Variants in RBFOX3 observed in about 807,000 individuals in gnomAD.
The protein encoded by RBFOX3 is RNA binding fox-1 homolog 3.
Under a neutral mutation model 48.7 loss-of-function variants are expected in RBFOX3, and 17 were observed. That is an observed-to-expected ratio of 0.35 (90% CI 0.24 to 0.52). The LOEUF (loss-of-function observed/expected upper bound fraction) is 0.52, where lower values mean the gene tolerates loss of function less well. Among genes scored for constraint, RBFOX3 ranks in the 20% least tolerant of loss-of-function variants. The pLI is 0.94. For synonymous variants in RBFOX3, 212 were observed against 209.5 expected (o/e 1.01, Z -0.10); for missense variants, 382 against 497.5 (o/e 0.77, Z 2.21).
At chr17:79,282,498 G>A (rs748375215) in intron 3 of RBFOX3, among the ~76,000 whole-genome samples, 6 of 151,936 alleles carry the variant, frequency 3.9e-5, no homozygotes, top group Non-Finnish European at 7.4e-5. Context: ...GGCTCAATGC[G>A]CTTCATGTTT....
Position 79,418,259 on chromosome 17 carries a change from G to A in RBFOX3, c.-175+64195C>T, listed in dbSNP as rs76618916. 2.6e-5 allele frequency among the ~76,000 whole-genome samples: 4 copies of A among 152,216 alleles called. No individual in the cohort carries two copies. Among genetic ancestry groups the A allele is most frequent in the South Asian group, 2.1e-4 (1 of 4,824 alleles). On this transcript the variant is annotated intron_variant, in intron 2 of 14. Coordinates refer to ENST00000693108, the MANE Select transcript of RBFOX3 (RefSeq NM_001350451.2). The surrounding 1 kb of genome is among the most constrained non-coding windows in gnomAD (Gnocchi z 5.0). ...CAACGACAAAAAGTTTTTTCCAATCGCAGGGATGTATGTGTTCCATCCAGC... is the reference window on the plus strand; with the variant it reads ...CAACGACAAAAAGTTTTTTCCAATCACAGGGATGTATGTGTTCCATCCAGC...
At chr17:79,399,805 C>T (rs1009934743) in intron 2 of RBFOX3, among the ~76,000 whole-genome samples, 2 of 152,240 alleles carry the variant, frequency 1.3e-5, no homozygotes, top group African/African-American at 4.8e-5. Flanking sequence ...CGGGCGCTCC[C>T]GTCTTCAGCA....
chr17:79,186,654 A>C (rs1447257206), intron 4 of RBFOX3, among the ~76,000 whole-genome samples: 1 of 149,722 alleles, frequency 6.7e-6, no homozygotes, highest in Admixed American at 6.7e-5. Context: ...AAGAGCTGTC[A>C]CTCCAGTGCT....
intron 2 of RBFOX3, among the ~76,000 whole-genome samples, chr17:79,350,951 T>C (rs116815212): frequency 4.8e-4 from 73 of 152,316 alleles, no homozygotes; most frequent in African/African-American, 1.8e-3. Context: ...TGGTAACCTC[T>C]AATCCACTTT....
intron 1 of RBFOX3, among the ~76,000 whole-genome samples, chr17:79,519,252 G>A (rs961365863): frequency 1.3e-5 from 2 of 152,170 alleles, no homozygotes; most frequent in South Asian, 2.1e-4. Flanking sequence ...CACACCCCAC[G>A]CCCCCACCCC....
In RBFOX3 at chr17:79,181,731, C is replaced by T. The variant is rs113732040; in HGVS notation, c.-34+54035G>A. On this transcript the variant is annotated intron_variant, in intron 4 of 14. Transcript: ENST00000693108. ...ATCACACAGTTCCCCTGTCCCTCTGCGGCTGCTACGTTTGGCAGTCCCTCA... is the reference window on the plus strand; with the variant it reads ...ATCACACAGTTCCCCTGTCCCTCTGTGGCTGCTACGTTTGGCAGTCCCTCA... 2.3e-3 allele frequency among the ~76,000 whole-genome samples: 352 copies of T among 152,298 alleles called. 5 individuals are homozygous for T. Among genetic ancestry groups the T allele is most frequent in the African/African-American group, 8.0e-3 (334 of 41,572 alleles).
chr17:79,210,287 C>A (rs1215973520), intron 4 of RBFOX3, among the ~76,000 whole-genome samples: 1 of 152,212 alleles, frequency 6.6e-6, no homozygotes, highest in East Asian at 1.9e-4. Context: ...GGACCCCCGG[C>A]GTCTTCACGC....
intron 4 of RBFOX3, among the ~76,000 whole-genome samples, chr17:79,163,857 A>C (rs1352417487): frequency 6.6e-6 from 1 of 152,094 alleles, no homozygotes; most frequent in African/African-American, 2.4e-5. Flanking sequence ...TGGTGTCCAG[A>C]CAGGCCTGCT....
At position 79,391,254 on chromosome 17, in the gene RBFOX3, G is replaced by T. The variant is rs1012970783; in HGVS notation, c.-174-83430C>A. On this transcript the variant is annotated intron_variant, in intron 2 of 14. Coordinates refer to ENST00000693108, the MANE Select transcript of RBFOX3 (RefSeq NM_001350451.2). This position sits in a 1 kb window ranked among gnomAD's most constrained non-coding sequence, Gnocchi z 5.0. ...CAGGATGAAATCCAAATTCCTTAGCGCAACCCCCAAGCTGGGGTCTCAGCT... is the reference window on the plus strand; with the variant it reads ...CAGGATGAAATCCAAATTCCTTAGCTCAACCCCCAAGCTGGGGTCTCAGCT... Among the ~76,000 whole-genome samples the T allele has an allele frequency of 6.6e-6, 1 of 151,954 alleles. No homozygotes were observed. Among genetic ancestry groups the T allele is most frequent in the African/African-American group, 2.4e-5 (1 of 41,346 alleles).
intron 2 of RBFOX3, among the ~76,000 whole-genome samples, chr17:79,441,772 G>A (rs1484456175): frequency 6.6e-6 from 1 of 152,192 alleles, no homozygotes; most frequent in Non-Finnish European, 1.5e-5. Context: ...CCCCAGGGTG[G>A]GTCTTGGGTG....
In RBFOX3 at chr17:79,107,089, G is replaced by A. The variant is rs114684497; in HGVS notation, c.223-301C>T. On this transcript the variant is annotated intron_variant, in intron 5 of 14. Coordinates refer to ENST00000693108, the MANE Select transcript of RBFOX3 (RefSeq NM_001350451.2). ...CTGGCCTGCTCTGTTCCCCGCTCCC[G>A]CAGCCCAGGCCTGTCCACAGAGGCT... Among the ~76,000 whole-genome samples the A allele has an allele frequency of 4.3e-3, 648 of 152,316 alleles. 3 individuals are homozygous for A. Among genetic ancestry groups the A allele is most frequent in the African/African-American group, 0.015 (612 of 41,578 alleles).
rs1049233281 is a variant in RBFOX3, at chr17:79,557,046, C to G, written c.-320+53780G>C. On this transcript the variant is annotated intron_variant, in intron 1 of 14. Transcript: ENST00000693108. ...ATCATTTGAGGTCAGGAGTTCAAGA[C>G]CAGCCTGGGCAACATGGTGAAACTC... Among the ~76,000 whole-genome samples the G allele has an allele frequency of 5.8e-3, 876 of 152,106 alleles. 6 individuals are homozygous for G. Among genetic ancestry groups the G allele is most frequent in the African/African-American group, 0.02 (828 of 41,486 alleles).
chr17:79,522,681 G>A (rs1005024332), intron 1 of RBFOX3, among the ~76,000 whole-genome samples: 7 of 152,030 alleles, frequency 4.6e-5, no homozygotes, highest in Non-Finnish European at 1.0e-4. Context: ...TGTAAACCCA[G>A]CACTTTGGGA....
chr17:79,155,763 A>G (rs1278525861), intron 4 of RBFOX3, among the ~76,000 whole-genome samples: 4 of 152,126 alleles, frequency 2.6e-5, no homozygotes, highest in Non-Finnish European at 5.9e-5. Context: ...GGAGTCCCCA[A>G]GAGTGCCACA....
chr17:79,101,018 C>T (rs917322339), intron 9 of RBFOX3, among the ~76,000 whole-genome samples: 9 of 152,188 alleles, frequency 5.9e-5, no homozygotes, highest in Admixed American at 1.3e-4. Flanking sequence ...AATCTGAGCA[C>T]CTCCCCCCGG....
At position 79,211,319 on chromosome 17, in the gene RBFOX3, G is replaced by A. The variant is rs781758722; in HGVS notation, c.-34+24447C>T. ...AGCCTGTGCCTCTGACCCTGCCAAC[G>A]CCAGCCTCCGCCACCTCCTGCCCGC... is the stretch of plus-strand genomic sequence containing the variant. On this transcript the variant is annotated intron_variant, in intron 4 of 14. Coordinates refer to ENST00000693108, the MANE Select transcript of RBFOX3 (RefSeq NM_001350451.2). 9.9e-5 allele frequency among the ~76,000 whole-genome samples: 15 copies of A among 152,282 alleles called. No homozygotes were observed. In the South Asian group the frequency reaches 2.9e-3, roughly 29 times the overall value.
intron 3 of RBFOX3, among the ~76,000 whole-genome samples, chr17:79,238,717 T>C (rs917572534): frequency 1.3e-5 from 2 of 152,212 alleles, no homozygotes; most frequent in African/African-American, 4.8e-5. Context: ...TTCTCTTAAA[T>C]GTGTCACACA....
chr17:79,222,338 C>A (rs912196380), intron 4 of RBFOX3, among the ~76,000 whole-genome samples: 1 of 152,222 alleles, frequency 6.6e-6, no homozygotes, highest in African/African-American at 2.4e-5. Flanking sequence ...AAACATTTCC[C>A]AGCTCTGCCA....
intron 2 of RBFOX3, among the ~76,000 whole-genome samples, chr17:79,472,620 C>T (rs2077187947): frequency 6.6e-6 from 1 of 152,220 alleles, no homozygotes. Flanking sequence ...TCTTAGACTT[C>T]TGGCCTCTTG....
Sources: gnomAD v4.1 joint callset for allele counts (sites outside exome capture counted in the v4.1 genomes callset) on GRCh38, gnomAD v4.1.1 for gene constraint, Gnocchi (gnomAD v3.1) non-coding constraint, MANE v1.5 for transcripts, NCBI Gene and HGNC (gene_info 2026-07-23, HGNC 2026-07-21) for gene names.